The following NCOA2 variants were observed in gnomAD, a reference collection of about 807,000 sequenced individuals.
NCOA2 encodes the protein class E basic helix-loop-helix protein 75.
A neutral mutation model predicts 145.1 loss-of-function variants in NCOA2; 21 were observed. The ratio of observed to expected loss-of-function variants is 0.14; its 90% CI spans 0.10 to 0.21. The LOEUF is 0.21. NCOA2 is among the 10% of genes least tolerant of loss of function. NCOA2 has a pLI of 1.00. For synonymous variants in NCOA2, 619 were observed against 637.5 expected (o/e 0.97, Z 0.44); for missense variants, 1,472 against 1,837.6 (o/e 0.80, Z 3.64).
intron 4 of NCOA2, among the ~76,000 whole-genome samples, chr8:70,185,376 A>T (rs1815947917): frequency 6.6e-6 from 1 of 152,260 alleles, no homozygotes; most frequent in Admixed American, 6.5e-5. Context: ...ATGCTAAATC[A>T]TATCATTGTA....
chr8:70,424,646 C>A, the NCOA2 span: 96 of 345,252 alleles, frequency 2.8e-4, no homozygotes, highest in Admixed American at 6.6e-4. Context: ...AAAGCCAGAT[C>A]GTGAATATTT....
In NCOA2 at chr8:70,403,682, G is replaced by C; in HGVS notation, c.-77+18C>G. 2.6e-6 allele frequency: 1 copy of C among 385,360 alleles called. No homozygotes were observed. Among genetic ancestry groups the C allele is most frequent in the East Asian group, 3.7e-5 (1 of 27,196 alleles). The allele number at this position is 385,360 out of a possible 1,614,324, so 23.9% of individuals were successfully genotyped here. A position where few individuals can be genotyped will look rare whatever the true frequency, so the allele number is the denominator to read the frequency against. On this transcript the variant is annotated intron_variant, in intron 1 of 22. Transcript: ENST00000452400. The stretch of plus-strand genomic sequence containing the variant: ...GCCCCCCGCCCGCCCTCGCGGCCCC[G>C]GGGGAAGGCGCGGTTACCGGCTCGG...
chr8:70,433,594 A>C, the NCOA2 span, among the ~76,000 whole-genome samples: 1 of 152,344 alleles, frequency 6.6e-6, no homozygotes. Flanking sequence ...TACATTCTTT[A>C]TGCAATGCCG....
At chr8:70,162,592 G>T in intron 9 of NCOA2, 119 bp downstream of exon 9, 2 of 1,065,012 alleles carry the variant, frequency 1.9e-6, no homozygotes, top group Non-Finnish European at 2.6e-6. Context: ...ACTGGGGCCA[G>T]ATGAGACAGC....
intron 12 of NCOA2, among the ~76,000 whole-genome samples, chr8:70,146,973 G>C (rs575798082): frequency 6.6e-6 from 1 of 152,122 alleles, no homozygotes; most frequent in Non-Finnish European, 1.5e-5. Context: ...TTACAGGCAC[G>C]TGCGACTGCG....
intron 11 of NCOA2, among the ~76,000 whole-genome samples, chr8:70,151,455 T>C (rs1049670697): frequency 1.3e-5 from 2 of 152,256 alleles, no homozygotes; most frequent in African/African-American, 4.8e-5. Context: ...ACCTGGCTCA[T>C]TTTCGCATTT....
At chr8:70,134,342 G>A (rs1018696677) in intron 15 of NCOA2, among the ~76,000 whole-genome samples, 1 of 152,212 alleles carries the variant, frequency 6.6e-6, no homozygotes, top group African/African-American at 2.4e-5. Flanking sequence ...GGAGTTCCAT[G>A]AAAGAGTTCA....
chr8:70,445,815 A>G, the NCOA2 span, among the ~76,000 whole-genome samples: 2 of 152,220 alleles, frequency 1.3e-5, no homozygotes, highest in Non-Finnish European at 2.9e-5. Context: ...TTAACTATGC[A>G]AGAAGTAAGA....
At chr8:70,343,100 C>G (rs1250080282) in intron 1 of NCOA2, among the ~76,000 whole-genome samples, 2 of 152,122 alleles carry the variant, frequency 1.3e-5, no homozygotes, top group Non-Finnish European at 1.5e-5. Context: ...ATTGCAAATA[C>G]ATTAGCAAGT....
intron 1 of NCOA2, among the ~76,000 whole-genome samples, chr8:70,376,366 C>T (rs910163963): frequency 1.3e-5 from 2 of 151,120 alleles, no homozygotes; most frequent in African/African-American, 4.9e-5. Context: ...AGTACACACA[C>T]ACGCACACAC....
At chr8:70,287,539 A>C (rs1460795262) in intron 2 of NCOA2, among the ~76,000 whole-genome samples, 1 of 152,222 alleles carries the variant, frequency 6.6e-6, no homozygotes, top group African/African-American at 2.4e-5. Context: ...TAAAGAGACG[A>C]ATCAAAGGGA....
chr8:70,203,863 AT>A (rs1489381157), intron 4 of NCOA2, among the ~76,000 whole-genome samples: 2 of 152,158 alleles, frequency 1.3e-5, no homozygotes, highest in African/African-American at 4.8e-5. Flanking sequence ...AATATATCTA[AT>A]ATCTGCGCAG....
chr8:70,161,529 G>C (rs1813001185), intron 9 of NCOA2, among the ~76,000 whole-genome samples: 1 of 151,864 alleles, frequency 6.6e-6, no homozygotes, highest in Non-Finnish European at 1.5e-5. Context: ...TAAGATGAGG[G>C]GAAAAAAAGG....
At chr8:70,397,522 G>A (rs1034186002) in intron 1 of NCOA2, among the ~76,000 whole-genome samples, 1 of 150,430 alleles carries the variant, frequency 6.6e-6, no homozygotes, top group African/African-American at 2.4e-5. Flanking sequence ...AACCATAGCA[G>A]AATACTTGCA....
chr8:70,398,097 G>A (rs1265752908), intron 1 of NCOA2, among the ~76,000 whole-genome samples: 2 of 152,056 alleles, frequency 1.3e-5, no homozygotes, highest in East Asian at 1.9e-4. Flanking sequence ...CTCATCAAAC[G>A]ACTAAACGAT....
At chr8:70,133,517 T>A (rs1227033237) in intron 15 of NCOA2, among the ~76,000 whole-genome samples, 2 of 152,230 alleles carry the variant, frequency 1.3e-5, no homozygotes, top group East Asian at 3.9e-4. Context: ...AGCCACCACA[T>A]CTAGCCTAGA....
At chr8:70,270,862 T>G (rs533427146) in intron 2 of NCOA2, among the ~76,000 whole-genome samples, 2 of 152,328 alleles carry the variant, frequency 1.3e-5, no homozygotes, top group South Asian at 4.1e-4. Context: ...TATGTTTGCA[T>G]AGTTATTTTA....
chr8:70,303,405 G>T (rs1827650858), intron 1 of NCOA2, among the ~76,000 whole-genome samples: 2 of 152,126 alleles, frequency 1.3e-5, no homozygotes, highest in African/African-American at 2.4e-5. Flanking sequence ...GAAGGAGAGG[G>T]TGGTCCCCAT....
chr8:70,318,090 GA>G (rs1563757859), intron 1 of NCOA2, among the ~76,000 whole-genome samples: 3 of 152,136 alleles, frequency 2.0e-5, no homozygotes, highest in Non-Finnish European at 2.9e-5. Context: ...GGAACATTGG[GA>G]AAGTCTTATA....
Sources: gnomAD v4.1 joint callset for allele counts (sites outside exome capture counted in the v4.1 genomes callset) on GRCh38, gnomAD v4.1.1 for gene constraint, MANE v1.5 for transcripts, NCBI Gene and HGNC (gene_info 2026-07-23, HGNC 2026-07-21) for gene names.